Variants in CDC37L1 observed in about 807,000 individuals in gnomAD.
The protein encoded by CDC37L1 is cell division cycle 37 like 1, HSP90 cochaperone.
Under a neutral mutation model 45.9 loss-of-function variants are expected in CDC37L1, and 32 were observed. The ratio of observed to expected loss-of-function variants is 0.70; its 90% CI spans 0.53 to 0.94. The LOEUF is 0.94. Among genes scored for constraint, CDC37L1 ranks in the 40% least tolerant of loss-of-function variants. The pLI, the probability that CDC37L1 is intolerant of heterozygous loss-of-function variation, is 0.00. For synonymous variants in CDC37L1, 150 were observed against 133.0 expected (o/e 1.13, Z -0.88); for missense variants, 434 against 405.7 (o/e 1.07, Z -0.60).
intron 3 of CDC37L1, among the ~76,000 whole-genome samples, chr9:4,690,584 ATAG>A (rs1259996687): frequency 6.6e-6 from 1 of 152,194 alleles, no homozygotes; most frequent in Non-Finnish European, 1.5e-5. Context: ...AAATAATGAG[ATAG>A]TTGAGGAAAA....
rs1383134912 is a variant in CDC37L1, at chr9:4,701,998, A to T, written c.882A>T (p.Gly294=). The change falls in exon 6 of 7, where the codon GGA becomes GGT. Residue 294 remains glycine (G), a synonymous_variant. Transcript: ENST00000381854. ...VQNHVPHSGV[G]SIGLLESLPQ... ...ATCATGTTCCCCATTCTGGTGTTGG[A>T]TCTATAGGTTTATTAGAATCCTTAC... is the stretch of plus-strand genomic sequence containing the variant. 6.6e-7 allele frequency: 1 copy of T among 1,507,820 alleles called. No homozygotes were observed. The highest frequency in any genetic ancestry group is 2.4e-5 in the Admixed American group (1 of 41,930). The allele number at this position is 1,507,820 out of a possible 1,614,324, so 93.4% of individuals were successfully genotyped here.
chr9:4,703,844 A>G (rs1841420750), intron 6 of CDC37L1, among the ~76,000 whole-genome samples: 1 of 152,200 alleles, frequency 6.6e-6, no homozygotes, highest in African/African-American at 2.4e-5. Context: ...GACTAGAATT[A>G]TACAATTCTG....
chr9:4,702,118 G>A (rs751789432), intron 6 of CDC37L1, 90 bp downstream of exon 6: 1 of 548,484 alleles, frequency 1.8e-6, no homozygotes, highest in Non-Finnish European at 3.0e-6. Flanking sequence ...TTTTTAATAT[G>A]TGCTACTATT....
chr9:4,690,862 A>G (rs922862249), intron 3 of CDC37L1, among the ~76,000 whole-genome samples: 3 of 152,226 alleles, frequency 2.0e-5, no homozygotes, highest in African/African-American at 7.2e-5. Context: ...CAAAATGTTC[A>G]TGTGTTTTAT....
At chr9:4,686,239 G>C (rs2130844384) in intron 2 of CDC37L1, among the ~76,000 whole-genome samples, 1 of 152,172 alleles carries the variant, frequency 6.6e-6, no homozygotes, top group South Asian at 2.1e-4. Flanking sequence ...CCTTTCCCTG[G>C]ACCAGCTCTA....
chr9:4,689,038 A>T (rs1033444146), intron 3 of CDC37L1, among the ~76,000 whole-genome samples: 8 of 152,190 alleles, frequency 5.3e-5, no homozygotes, highest in African/African-American at 7.2e-5. Flanking sequence ...AGATAAATAT[A>T]GTAATAGAAA....
intron 3 of CDC37L1, among the ~76,000 whole-genome samples, chr9:4,692,732 A>T (rs1841313512): frequency 1.3e-5 from 2 of 152,294 alleles, no homozygotes; most frequent in South Asian, 2.1e-4. Context: ...TCTGAAAAAA[A>T]TTTTTCAAAG....
intron 1 of CDC37L1, among the ~76,000 whole-genome samples, chr9:4,684,663 G>C (rs1841230112): frequency 6.6e-6 from 1 of 152,202 alleles, no homozygotes; most frequent in Non-Finnish European, 1.5e-5. Flanking sequence ...GTTGCTGTTA[G>C]TTGTCAGGGG....
rs192448371 is a variant in CDC37L1, at chr9:4,698,034, T to G, written c.747+155T>G. 1.7e-3 allele frequency among the ~76,000 whole-genome samples: 266 copies of G among 152,348 alleles called. 2 individuals carry two copies. Among genetic ancestry groups the G allele is most frequent in the Middle Eastern group, 0.01 (3 of 294 alleles). On this transcript the variant is annotated intron_variant, in intron 5 of 6. Transcript: ENST00000381854. The stretch of plus-strand genomic sequence containing the variant: ...AAGAAAATTTATATTGCTAATTTCT[T>G]GCTAATTTAAACTTAAAAGAGCTAT...
In CDC37L1 at chr9:4,684,944, G is replaced by C. The variant is rs200818741; in HGVS notation, c.200G>C (p.Cys67Ser). The change falls in exon 2 of 7, where the codon TGC (cysteine) becomes TCC (serine). Residue 67 changes from cysteine to serine, a missense_variant. Cys to Ser is a moderately radical substitution (Grantham distance 112, BLOSUM62 -1). Transcript: ENST00000381854. ...QKEFVKSSVA[C>S]KWNLAEAQQK... is the part of the protein sequence containing the mutation. ...GAGTTTGTGAAGAGCTCTGTGGCGT[G>C]CAAATGGAATCTTGCTGAAGCTCAA... 1.3e-4 allele frequency: 209 copies of C among 1,613,604 alleles called. 1 individual carries two copies. Among genetic ancestry groups the C allele is most frequent in the Non-Finnish European group, 2.5e-5 (30 of 1,179,696 alleles).
At chr9:4,703,000 C>A in intron 6 of CDC37L1, 2 of 1,322,382 alleles carry the variant, frequency 1.5e-6, no homozygotes, top group East Asian at 2.9e-5. Context: ...GTTAGGATTA[C>A]AAGTTTAAGT....
rs1400661956 is a variant in CDC37L1, at chr9:4,708,117, A to C, written c.*2005A>C. ...ACCACTGACTGATGCCATAATTTGC[A>C]CTTAAAGGCTATAAATTACATAGTT... On this transcript the variant is annotated 3_prime_UTR_variant, in exon 7 of 7. Coordinates refer to ENST00000381854, the MANE Select transcript of CDC37L1 (RefSeq NM_017913.4). 6.6e-6 allele frequency: 1 copy of C among 152,252 alleles called. No homozygotes were observed. The highest frequency in any genetic ancestry group is 1.9e-4 in the East Asian group (1 of 5,202). 9.4% of individuals were successfully genotyped at this position (152,252 alleles called of 1,614,324 possible).
At position 4,701,940 on chromosome 9, in the gene CDC37L1, A is replaced by T. The variant is rs753838718; in HGVS notation, c.824A>T (p.Gln275Leu). ...AFKSRVRLYS[Q>L]SQSFQPMTVQ... The stretch of plus-strand genomic sequence containing the variant: ...AAGTCAAGAGTAAGACTTTATTCTC[A>T]ATCACAAAGTTTTCAACCTATGACA... Residue 275 changes from glutamine to leucine, a missense_variant, in exon 6 of 7, where the codon CAA becomes CTA. Coordinates refer to ENST00000381854, the MANE Select transcript of CDC37L1 (RefSeq NM_017913.4). 1.5e-5 allele frequency: 24 copies of T among 1,592,056 alleles called. No individual in the cohort carries two copies. The East Asian group carries it at 5.2e-4, about 34-fold the overall frequency.
At chr9:4,682,104 G>T (rs1841199492) in intron 1 of CDC37L1, among the ~76,000 whole-genome samples, 1 of 150,558 alleles carries the variant, frequency 6.6e-6, no homozygotes, top group South Asian at 2.1e-4. Context: ...GAAAATGCAA[G>T]ATAATTTCTA....
chr9:4,702,457 T>C (rs184253979), intron 6 of CDC37L1, among the ~76,000 whole-genome samples: 13 of 152,292 alleles, frequency 8.5e-5, no homozygotes, highest in African/African-American at 2.9e-4. Context: ...TTATTTAGTA[T>C]TTTCTTGTTA....
intron 6 of CDC37L1, among the ~76,000 whole-genome samples, chr9:4,704,073 C>A (rs1841422810): frequency 6.6e-6 from 1 of 152,096 alleles, no homozygotes; most frequent in Admixed American, 6.5e-5. Flanking sequence ...GAGAGGCCAC[C>A]TGAAAGACCA....
chr9:4,685,218 G>C, intron 2 of CDC37L1, 60 bp downstream of exon 2: 20 of 1,294,180 alleles, frequency 1.5e-5, no homozygotes, highest in Non-Finnish European at 2.1e-5. Context: ...GTACAAACCA[G>C]TTGTGCGTAT....
rs763128277 is a variant in CDC37L1, at chr9:4,685,063, G to C, written c.319G>C (p.Glu107Gln). The stretch of plus-strand genomic sequence containing the variant: ...AGCAGTATCAGAACTGAGGCAACGG[G>C]AAGAAGAGTGGCGACAGAAAGAAGA... ...QTAVSELRQREEEWRQKEEAL... is the reference protein window; with the variant it reads ...QTAVSELRQRQEEWRQKEEAL... Residue 107 changes from glutamate to glutamine, a missense_variant, in exon 2 of 7, where the codon GAA becomes CAA. Physicochemically the swap from Glu to Gln is conservative, Grantham distance 29 (BLOSUM62 2). Transcript: ENST00000381854. 113 of 1,613,886 alleles carry C rather than the reference G, an allele frequency of 7.0e-5. No homozygotes were observed. Among genetic ancestry groups the C allele is most frequent in the Non-Finnish European group, 8.4e-5 (99 of 1,179,888 alleles).
chr9:4,701,356 T>C (rs1183232369), intron 5 of CDC37L1, among the ~76,000 whole-genome samples: 1 of 152,234 alleles, frequency 6.6e-6, no homozygotes, highest in African/African-American at 2.4e-5. Context: ...ACGTTGACTA[T>C]TGAATTCTAT....
Sources: allele counts gnomAD v4.1 joint callset (sites outside exome capture counted in the v4.1 genomes callset), GRCh38; gene constraint gnomAD v4.1.1; transcripts MANE v1.5; gene names NCBI Gene and HGNC (gene_info 2026-07-23, HGNC 2026-07-21).